The following CHCT1 variants were observed in gnomAD, a reference collection of about 807,000 sequenced individuals.
The protein encoded by CHCT1 is CHD1 helical C-terminal domain containing protein 1.
At chr17:60,430,197 C>T in the CHCT1 span, among the ~76,000 whole-genome samples, 3 of 131,322 alleles carry the variant, frequency 2.3e-5, no homozygotes, top group Non-Finnish European at 4.7e-5. Flanking sequence ...GCAGAATGTT[C>T]TCCTTCCTGA....
the CHCT1 span, among the ~76,000 whole-genome samples, chr17:60,422,828 G>A: frequency 6.6e-6 from 1 of 152,224 alleles, no homozygotes; most frequent in African/African-American, 2.4e-5. Context: ...TTCCTGGCGA[G>A]ATGATGGGGA....
chr17:60,423,408 G>A, the CHCT1 span, among the ~76,000 whole-genome samples: 2 of 151,988 alleles, frequency 1.3e-5, no homozygotes, highest in Non-Finnish European at 2.9e-5. Flanking sequence ...GGCCAGGCTG[G>A]TCTTGAACTC....
At chr17:60,429,027 C>T in the CHCT1 span, among the ~76,000 whole-genome samples, 134 of 151,844 alleles carry the variant, frequency 8.8e-4, no homozygotes, top group Admixed American at 2.1e-3. Flanking sequence ...CTCAGCTAAA[C>T]GAGTAAGGCT....
the CHCT1 span, among the ~76,000 whole-genome samples, chr17:60,431,014 C>G: frequency 6.6e-6 from 1 of 152,194 alleles, no homozygotes; most frequent in Non-Finnish European, 1.5e-5. Context: ...ACAATGCCAT[C>G]TCTCTACTGG....
chr17:60,428,196 TG>T, the CHCT1 span, among the ~76,000 whole-genome samples: 65 of 152,260 alleles, frequency 4.3e-4, no homozygotes, highest in African/African-American at 1.5e-3. Context: ...TTGTCTGCAG[TG>T]TGTAAATGAA....
the CHCT1 span, among the ~76,000 whole-genome samples, chr17:60,428,295 G>A: frequency 6.6e-6 from 1 of 152,110 alleles, no homozygotes; most frequent in African/African-American, 2.4e-5. Context: ...CCATCTGGCT[G>A]GGATGAGAGC....
the CHCT1 span, chr17:60,426,716 A>C: frequency 1.2e-6 from 2 of 1,609,164 alleles, no homozygotes; most frequent in African/African-American, 2.7e-5. Flanking sequence ...CCCCCTTTGC[A>C]GGATGCTCTG....
chr17:60,427,236 G>A, the CHCT1 span, among the ~76,000 whole-genome samples: 32,991 of 151,988 alleles, frequency 0.22, 8,892 homozygotes, highest in African/African-American at 0.64. Context: ...ATTTATCCCC[G>A]CTTTTAATTA....
At chr17:60,424,135 G>A in the CHCT1 span, among the ~76,000 whole-genome samples, 3 of 152,252 alleles carry the variant, frequency 2.0e-5, no homozygotes, top group East Asian at 1.9e-4. Context: ...CACTTAATTG[G>A]GGCAGGGAGG....
At chr17:60,427,909 G>A in the CHCT1 span, among the ~76,000 whole-genome samples, 6 of 151,988 alleles carry the variant, frequency 3.9e-5, no homozygotes, top group Non-Finnish European at 5.9e-5. Flanking sequence ...TTGCTGTCTC[G>A]GAATGTCATA....
chr17:60,421,502 A>C, the CHCT1 span: 24 of 985,456 alleles, frequency 2.4e-5, no homozygotes, highest in South Asian at 9.9e-4. Flanking sequence ...AGTGGGGACA[A>C]CTGGGCCCGG....
chr17:60,425,631 T>G, the CHCT1 span, among the ~76,000 whole-genome samples: 7 of 152,234 alleles, frequency 4.6e-5, no homozygotes, highest in African/African-American at 1.7e-4. Flanking sequence ...ATGGGTTTCT[T>G]TGCCCAAGGC....
chr17:60,424,613 G>A, the CHCT1 span, among the ~76,000 whole-genome samples: 8 of 152,202 alleles, frequency 5.3e-5, no homozygotes, highest in Admixed American at 3.9e-4. Context: ...CCCTGGGTGC[G>A]GTGGCTCATG....
chr17:60,422,392 A>G, the CHCT1 span: 1 of 1,250,234 alleles, frequency 8.0e-7, no homozygotes, highest in South Asian at 1.4e-5. Context: ...TGGAGGGGCC[A>G]GCTGCAGCCA....
chr17:60,424,746 G>C, the CHCT1 span, among the ~76,000 whole-genome samples: 1 of 152,010 alleles, frequency 6.6e-6, no homozygotes, highest in Non-Finnish European at 1.5e-5. Context: ...TGTGGTGCAC[G>C]CCTGTAATCC....
At chr17:60,425,157 G>T in the CHCT1 span, among the ~76,000 whole-genome samples, 1 of 152,058 alleles carries the variant, frequency 6.6e-6, no homozygotes, top group African/African-American at 2.4e-5. Context: ...CCCCAGTCCA[G>T]AACTCCTTGG....
chr17:60,426,859 G>A, the CHCT1 span: 1 of 1,556,852 alleles, frequency 6.4e-7, no homozygotes, highest in Non-Finnish European at 8.7e-7. Flanking sequence ...CTGAGGGTTG[G>A]TTGATGTGTC....
the CHCT1 span, among the ~76,000 whole-genome samples, chr17:60,430,434 A>G: frequency 2.0e-5 from 3 of 151,944 alleles, no homozygotes; most frequent in African/African-American, 4.8e-5. Context: ...AAAATAACCT[A>G]TGTGGTATTT....
At chr17:60,426,399 G>A in the CHCT1 span, 2 of 1,450,462 alleles carry the variant, frequency 1.4e-6, no homozygotes, top group South Asian at 2.7e-5. Context: ...CTTCATTCAA[G>A]GGGACACCTT....
Sources: allele counts gnomAD v4.1 joint callset (sites outside exome capture counted in the v4.1 genomes callset), GRCh38; gene constraint gnomAD v4.1.1; transcripts MANE v1.5; gene names NCBI Gene and HGNC (gene_info 2026-07-23, HGNC 2026-07-21).